DYNC1I2: variants seen among roughly 807,000 people sequenced by gnomAD.
DYNC1I2 encodes the protein cytoplasmic dynein 1 intermediate chain 2.
In DYNC1I2, 53 loss-of-function variants were observed where a neutral mutation model predicts 88.6. That is an observed-to-expected ratio of 0.60 (90% CI 0.48 to 0.75). The LOEUF (loss-of-function observed/expected upper bound fraction) is 0.75, where lower values mean the gene tolerates loss of function less well. Among genes scored for constraint, DYNC1I2 ranks in the 30% least tolerant of loss-of-function variants. DYNC1I2 has a pLI of 0.00. For missense variants in DYNC1I2, 458 were observed against 766.6 expected, an observed-to-expected ratio of 0.60 and a Z score of 4.75; for synonymous variants, 198 against 254.6, an observed-to-expected ratio of 0.78 and a Z score of 2.12.
intron 7 of DYNC1I2, among the ~76,000 whole-genome samples, chr2:171,716,131 G>A (rs1406372011): frequency 6.6e-6 from 1 of 152,022 alleles, no homozygotes; most frequent in East Asian, 1.9e-4. Flanking sequence ...AGATTTATGT[G>A]AGATCCCTAA....
chr2:171,709,737 G>A (rs1272266312), intron 5 of DYNC1I2, among the ~76,000 whole-genome samples: 1 of 151,958 alleles, frequency 6.6e-6, no homozygotes, highest in African/African-American at 2.4e-5. Flanking sequence ...TTTTCTTTGA[G>A]ATGGCATTTC....
chr2:171,708,798 TC>T (rs1686881028), intron 5 of DYNC1I2, among the ~76,000 whole-genome samples: 1 of 152,058 alleles, frequency 6.6e-6, no homozygotes, highest in African/African-American at 2.4e-5. Context: ...GCTCAAACGA[TC>T]CTCCCACATC....
intron 6 of DYNC1I2, among the ~76,000 whole-genome samples, chr2:171,713,258 T>TTATTCATGAATCTAGAATAAAAC (rs1258132215): frequency 6.6e-6 from 1 of 151,890 alleles, no homozygotes; most frequent in South Asian, 2.1e-4. Flanking sequence ...TCATTACTAT[T>TTATTCATGAATCTAGAATAAAAC]TATTCATGAA....
intron 3 of DYNC1I2, among the ~76,000 whole-genome samples, chr2:171,699,975 C>A (rs1217107725): frequency 6.6e-6 from 1 of 151,838 alleles, no homozygotes; most frequent in Non-Finnish European, 1.5e-5. Context: ...TTTTTTCTCC[C>A]CAAAACAATA....
At chr2:171,725,891 A>T in intron 8 of DYNC1I2, 28 bp from the exon 9 acceptor site, 8 of 1,551,056 alleles carry the variant, frequency 5.2e-6, no homozygotes, top group Non-Finnish European at 6.9e-6. Flanking sequence ...GACATAAATC[A>T]TACTTCAAAA....
In DYNC1I2 at chr2:171,718,495, A is replaced by G. The variant is rs575840470; in HGVS notation, c.511+3052A>G. 6.9e-3 allele frequency among the ~76,000 whole-genome samples: 1,038 copies of G among 151,440 alleles called. 7 individuals are homozygous for G. Among genetic ancestry groups the G allele is most frequent in the Non-Finnish European group, 0.011 (769 of 67,866 alleles). ...GTGGCCCAGGCTGGAGTGCAGTGGC[A>G]CGATCTTGGCTCACTGCAAGCTCCA... On this transcript the variant is annotated intron_variant, in intron 7 of 17. Coordinates refer to ENST00000397119, the MANE Select transcript of DYNC1I2 (RefSeq NM_001378.3).
rs556416569 is a variant in DYNC1I2, at chr2:171,729,032, A to G, written c.1391+182A>G. 9.0e-4 allele frequency among the ~76,000 whole-genome samples: 137 copies of G among 152,270 alleles called. 1 individual carries two copies. The highest frequency in any genetic ancestry group is 1.7e-3 in the Non-Finnish European group (115 of 67,996). Reference sequence around the variant, plus strand: ...TTGTATAAAAGATAATTTTGGATTCATGATGTGTTTAGATTTTGTGGGTTG... The same window carrying G: ...TTGTATAAAAGATAATTTTGGATTCGTGATGTGTTTAGATTTTGTGGGTTG... On this transcript the variant is annotated intron_variant, in intron 14 of 17. Transcript: ENST00000397119.
intron 3 of DYNC1I2, among the ~76,000 whole-genome samples, chr2:171,705,449 T>C (rs1466152300): frequency 6.6e-6 from 1 of 152,068 alleles, no homozygotes; most frequent in Non-Finnish European, 1.5e-5. Flanking sequence ...AAAAATTGTT[T>C]TTCTGAGTAT....
At chr2:171,734,305 G>A (rs1419995537) in intron 15 of DYNC1I2, among the ~76,000 whole-genome samples, 1 of 152,146 alleles carries the variant, frequency 6.6e-6, no homozygotes, top group South Asian at 2.1e-4. Flanking sequence ...GACTAATCAA[G>A]GACAGAACTT....
rs746910264 is a variant in DYNC1I2, at chr2:171,725,598, G to GTTT, written c.512-6_512-4dup. The GTTT allele has an allele frequency of 1.4e-3, 1,260 of 894,474 alleles. 16 individuals carry two copies. Among genetic ancestry groups the GTTT allele is most frequent in the South Asian group, 6.1e-3 (263 of 42,944 alleles). The allele number at this position is 894,474 out of a possible 1,614,324, so 55.4% of individuals were successfully genotyped here. ...ATTCTGTTTTTTTGTTTTTTTGTTT[G>GTTT]TTTTTTTTTTTTTTTTCAGATGAAG... On this transcript the variant is annotated intron_variant, in intron 7 of 17. Coordinates refer to ENST00000397119, the MANE Select transcript of DYNC1I2 (RefSeq NM_001378.3).
At chr2:171,729,589 C>T (rs1688474270) in intron 14 of DYNC1I2, 120 bp from the exon 15 acceptor site, 2 of 1,008,736 alleles carry the variant, frequency 2.0e-6, no homozygotes, top group Non-Finnish European at 2.9e-6. Context: ...AAGTTATGAG[C>T]ACAGAGTTAA....
rs1195398445 is a variant in DYNC1I2 at position 171,725,728 on chromosome 2, T to C, written c.607+15T>C. ...TGATAGTAAAGGTATCTTAAGGAAT[T>C]AAACTTTAAAACATTTTGTTGATTT... On this transcript the variant is annotated intron_variant, in intron 8 of 17. Coordinates refer to ENST00000397119, the MANE Select transcript of DYNC1I2 (RefSeq NM_001378.3). The C allele has an allele frequency of 6.7e-7, 1 of 1,500,830 alleles. No individual in the cohort carries two copies. The highest frequency in any genetic ancestry group is 2.3e-5 in the Admixed American group (1 of 44,136). 93.0% of individuals were successfully genotyped at this position (1,500,830 alleles called of 1,614,324 possible). A position where few individuals can be genotyped will look rare whatever the true frequency, so the allele number is the denominator to read the frequency against.
At chr2:171,699,269 T>C (rs889594743) in intron 3 of DYNC1I2, among the ~76,000 whole-genome samples, 12 of 152,232 alleles carry the variant, frequency 7.9e-5, no homozygotes, top group Middle Eastern at 3.4e-3. Flanking sequence ...ATCGCGCCAT[T>C]GCACTCCAGC....
At chr2:171,705,348 T>C (rs1686598406) in intron 3 of DYNC1I2, among the ~76,000 whole-genome samples, 1 of 152,104 alleles carries the variant, frequency 6.6e-6, no homozygotes, top group Admixed American at 6.5e-5. Context: ...GGGAAAAGCA[T>C]GTTAAACTGA....
At chr2:171,716,455 A>T (rs1422232995) in intron 7 of DYNC1I2, among the ~76,000 whole-genome samples, 2 of 152,192 alleles carry the variant, frequency 1.3e-5, no homozygotes, top group Non-Finnish European at 2.9e-5. Flanking sequence ...TAAATTTTTA[A>T]TTAAATTACC....
Position 171,749,096 on chromosome 2 carries a change from T to C in DYNC1I2, c.*1207T>C, listed in dbSNP as rs1486939223. Among the ~76,000 whole-genome samples the C allele has an allele frequency of 6.6e-6, 1 of 152,186 alleles. No individual in the cohort carries two copies. Among genetic ancestry groups the C allele is most frequent in the Non-Finnish European group, 1.5e-5 (1 of 67,996 alleles). On this transcript the variant is annotated 3_prime_UTR_variant, in exon 18 of 18. Transcript: ENST00000397119. ...AAACAGAATGTGAACATTTTTCTTTTAATAATTGTAACAAAGATTTGTTGG... is the reference window on the plus strand; with the variant it reads ...AAACAGAATGTGAACATTTTTCTTTCAATAATTGTAACAAAGATTTGTTGG...
chr2:171,704,613 G>A (rs1051424529), intron 3 of DYNC1I2, among the ~76,000 whole-genome samples: 2 of 152,108 alleles, frequency 1.3e-5, no homozygotes, highest in Non-Finnish European at 2.9e-5. Flanking sequence ...TTTCAAGGCT[G>A]ATTAGACTTA....
At chr2:171,742,354 G>A (rs1346826806) in intron 15 of DYNC1I2, among the ~76,000 whole-genome samples, 3 of 151,936 alleles carry the variant, frequency 2.0e-5, no homozygotes, top group African/African-American at 7.2e-5. Flanking sequence ...TGTATTTTTT[G>A]TGGAGATGGG....
At chr2:171,718,934 T>G (rs1436290549) in intron 7 of DYNC1I2, among the ~76,000 whole-genome samples, 1 of 152,224 alleles carries the variant, frequency 6.6e-6, no homozygotes, top group Non-Finnish European at 1.5e-5. Flanking sequence ...AGCTAGTAGC[T>G]ATGATTGTAA....
Sources: allele counts gnomAD v4.1 joint callset (sites outside exome capture counted in the v4.1 genomes callset), GRCh38; gene constraint gnomAD v4.1.1; transcripts MANE v1.5; gene names NCBI Gene and HGNC (gene_info 2026-07-23, HGNC 2026-07-21).